The following ATF7 variants were observed in gnomAD, a reference collection of about 807,000 sequenced individuals.
ATF7 encodes cyclic AMP-dependent transcription factor ATF-7.
In ATF7, 10 loss-of-function variants were observed where a neutral mutation model predicts 50.4. The observed-to-expected ratio is 0.20, with a 90% CI of 0.12 to 0.34. The LOEUF is 0.34. Ranked by LOEUF, ATF7 falls within the 10% of genes least tolerant of loss-of-function variation. The probability of loss-of-function intolerance (pLI) is 1.00; values close to 1 mark genes in which losing one functional copy is unlikely to be tolerated. For synonymous variants in ATF7, 201 were observed against 226.4 expected, an observed-to-expected ratio of 0.89 and a Z score of 1.01; for missense variants, 465 against 613.9, an observed-to-expected ratio of 0.76 and a Z score of 2.56.
intron 2 of ATF7, among the ~76,000 whole-genome samples, chr12:53,574,402 T>C (rs1941940239): frequency 6.6e-6 from 1 of 152,166 alleles, no homozygotes; most frequent in Admixed American, 6.5e-5. Flanking sequence ...CTGGTAAACA[T>C]CAGCTTTCCA....
intron 1 of ATF7, among the ~76,000 whole-genome samples, chr12:53,601,366 G>A (rs992356217): frequency 2.0e-5 from 3 of 152,080 alleles, no homozygotes; most frequent in Non-Finnish European, 4.4e-5. Context: ...CTGAACGCTC[G>A]ATGCGGAAGC....
At chr12:53,601,663 TC>T (rs1167264764) in intron 1 of ATF7, among the ~76,000 whole-genome samples, 1 of 152,120 alleles carries the variant, frequency 6.6e-6, no homozygotes, top group Non-Finnish European at 1.5e-5. Context: ...TCGATGCCCT[TC>T]CCCCTTCTGA....
chr12:53,623,671 A>C (rs1332160430), intron 1 of ATF7, among the ~76,000 whole-genome samples: 1 of 152,166 alleles, frequency 6.6e-6, no homozygotes, highest in Non-Finnish European at 1.5e-5. Flanking sequence ...TCAGACGTGG[A>C]TAGGAGGCTG....
chr12:53,523,464 G>A (rs908988609), intron 10 of ATF7, 80 bp from the exon 11 acceptor site: 2 of 1,052,246 alleles, frequency 1.9e-6, no homozygotes, highest in African/African-American at 1.6e-5. Flanking sequence ...CCCAAAGGAA[G>A]GACAGAATAT....
chr12:53,564,434 C>T (rs1941325514), intron 2 of ATF7, among the ~76,000 whole-genome samples: 1 of 152,160 alleles, frequency 6.6e-6, no homozygotes, highest in Non-Finnish European at 1.5e-5. Flanking sequence ...ATTTACAAGC[C>T]ATTCCCTTTT....
intron 3 of ATF7, chr12:53,543,732 G>A (rs762286428): frequency 1.4e-5 from 5 of 348,222 alleles, no homozygotes; most frequent in South Asian, 1.1e-4. Flanking sequence ...GTTTTACCTC[G>A]TTTACCTCCA....
intron 1 of ATF7, among the ~76,000 whole-genome samples, chr12:53,609,607 C>T (rs867548845): frequency 3.4e-5 from 5 of 148,672 alleles, no homozygotes; most frequent in East Asian, 2.0e-4. Flanking sequence ...GATCACACCA[C>T]GGCACTCCAG....
chr12:53,590,510 A>G (rs1199737572), intron 2 of ATF7, among the ~76,000 whole-genome samples: 2 of 152,156 alleles, frequency 1.3e-5, no homozygotes. Context: ...CTCAACCCTA[A>G]TACCTTGATT....
chr12:53,614,082 C>T (rs369716073), intron 1 of ATF7, among the ~76,000 whole-genome samples: 1 of 152,052 alleles, frequency 6.6e-6, no homozygotes, highest in Non-Finnish European at 1.5e-5. Context: ...ATAAGTTAGG[C>T]AACACATAGC....
In ATF7 at chr12:53,539,459, C is replaced by T. The variant is rs551956073; in HGVS notation, c.265-1907G>A. On this transcript the variant is annotated intron_variant, in intron 4 of 11. Transcript: ENST00000420353. Reference sequence around the variant, plus strand: ...CTGTAATCTCAGCACTTTGGGAATTCGAGGTGGGAGGATTGCTTGAGCCCA... The same window carrying T: ...CTGTAATCTCAGCACTTTGGGAATTTGAGGTGGGAGGATTGCTTGAGCCCA... Among the ~76,000 whole-genome samples, 8 of 149,986 alleles carry T rather than the reference C, an allele frequency of 5.3e-5. No homozygotes were observed. In the East Asian group the frequency reaches 6.0e-4, roughly 11 times the overall value.
intron 1 of ATF7, among the ~76,000 whole-genome samples, chr12:53,607,438 G>A (rs1392955328): frequency 6.6e-6 from 1 of 151,934 alleles, no homozygotes; most frequent in Admixed American, 6.6e-5. Flanking sequence ...TCTTCTTTCA[G>A]TCTCTCTATT....
chr12:53,612,884 G>A (rs907994667), intron 1 of ATF7, among the ~76,000 whole-genome samples: 3 of 152,012 alleles, frequency 2.0e-5, no homozygotes, highest in African/African-American at 7.2e-5. Flanking sequence ...CGCACCTGTA[G>A]TCCCTGCTAC....
chr12:53,550,120 C>A (rs942150276), intron 3 of ATF7, among the ~76,000 whole-genome samples: 13 of 151,894 alleles, frequency 8.6e-5, no homozygotes, highest in African/African-American at 2.2e-4. Flanking sequence ...GCCAGGAGTT[C>A]AAGACCAGCC....
chr12:53,556,191 T>C (rs935454798), intron 2 of ATF7, among the ~76,000 whole-genome samples: 82 of 152,364 alleles, frequency 5.4e-4, no homozygotes, highest in African/African-American at 2.0e-3. Flanking sequence ...GTACTTACGA[T>C]GTTGGCCAGT....
At chr12:53,537,348 T>A in intron 5 of ATF7, 67 bp downstream of exon 5, 2 of 1,584,110 alleles carry the variant, frequency 1.3e-6, no homozygotes, top group Non-Finnish European at 1.7e-6. Flanking sequence ...GGACATACTA[T>A]TTATATAATT....
intron 1 of ATF7, among the ~76,000 whole-genome samples, chr12:53,621,788 C>CAAAAAAAA (rs559780353): frequency 1.2e-5 from 1 of 81,558 alleles, no homozygotes; most frequent in Non-Finnish European, 2.5e-5. Flanking sequence ...GACTCTGTCT[C>CAAAAAAAA]AAAAAAAAAA....
intron 11 of ATF7, among the ~76,000 whole-genome samples, chr12:53,521,172 T>G (rs1324710232): frequency 6.6e-6 from 1 of 152,128 alleles, no homozygotes; most frequent in Non-Finnish European, 1.5e-5. Flanking sequence ...TTTTGTATTT[T>G]TAGTAGAAGC....
intron 2 of ATF7, among the ~76,000 whole-genome samples, chr12:53,558,095 C>A (rs1940862470): frequency 1.3e-5 from 2 of 152,342 alleles, no homozygotes; most frequent in East Asian, 3.9e-4. Flanking sequence ...GAATTTTAAT[C>A]ATGTACCAAT....
chr12:53,545,641 A>G (rs1939854590), intron 3 of ATF7, among the ~76,000 whole-genome samples: 1 of 152,064 alleles, frequency 6.6e-6, no homozygotes, highest in Non-Finnish European at 1.5e-5. Context: ...TAGCCAAAAA[A>G]ATCAGTAAGT....
Sources: allele counts gnomAD v4.1 joint callset (sites outside exome capture counted in the v4.1 genomes callset), GRCh38; gene constraint gnomAD v4.1.1; transcripts MANE v1.5; gene names NCBI Gene and HGNC (gene_info 2026-07-23, HGNC 2026-07-21).